Variants in SGCD observed in about 807,000 individuals in gnomAD.
SGCD encodes the protein sarcoglycan delta.
In SGCD, 18 loss-of-function variants were observed where a neutral mutation model predicts 36.6. The observed-to-expected ratio is 0.49, with a 90% CI of 0.34 to 0.73. The LOEUF is 0.73. Among genes scored for constraint, SGCD ranks in the 30% least tolerant of loss-of-function variants. SGCD has a pLI of 0.01. For synonymous variants in SGCD, 133 were observed against 130.6 expected (o/e 1.02, Z -0.12); for missense variants, 387 against 346.7 (o/e 1.12, Z -0.92).
intron 3 of SGCD, among the ~76,000 whole-genome samples, chr5:156,383,542 A>G (rs947401307): frequency 1.3e-5 from 2 of 151,898 alleles, no homozygotes; most frequent in Non-Finnish European, 2.9e-5. Context: ...AAAATAGGAC[A>G]TTTACTAGGA....
intron 3 of SGCD, among the ~76,000 whole-genome samples, chr5:156,260,445 C>A (rs1385634904): frequency 6.6e-6 from 1 of 152,094 alleles, no homozygotes; most frequent in African/African-American, 2.4e-5. Flanking sequence ...TCAGAATAAA[C>A]TTCTCACATA....
chr5:156,444,162 C>G (rs928821742), intron 3 of SGCD, among the ~76,000 whole-genome samples: 3 of 140,212 alleles, frequency 2.1e-5, no homozygotes, highest in African/African-American at 7.9e-5. Flanking sequence ...CTCTCCTTCC[C>G]TCTCTCTCTC....
chr5:155,836,908 T>A, the SGCD span, among the ~76,000 whole-genome samples: 7 of 152,108 alleles, frequency 4.6e-5, no homozygotes, highest in African/African-American at 1.7e-4. Flanking sequence ...AGTAGCCAAG[T>A]TGGTGTTACA....
intron 4 of SGCD, among the ~76,000 whole-genome samples, chr5:156,545,916 C>G (rs948254514): frequency 3.3e-5 from 5 of 152,160 alleles, no homozygotes; most frequent in Non-Finnish European, 5.9e-5. Context: ...GGCTTTAGCT[C>G]CAAGTTTTAT....
chr5:156,653,290 G>A (rs1488719931), intron 7 of SGCD, among the ~76,000 whole-genome samples: 2 of 44,280 alleles, frequency 4.5e-5, no homozygotes, highest in East Asian at 3.0e-3. Flanking sequence ...CATTCTTTTC[G>A]GGGTTTCAAC....
chr5:156,046,341 A>G (rs1208404505), intron 1 of SGCD, among the ~76,000 whole-genome samples: 1 of 152,042 alleles, frequency 6.6e-6, no homozygotes, highest in Non-Finnish European at 1.5e-5. Context: ...TTTCATCTAC[A>G]CTTCTGCTGT....
the SGCD span, among the ~76,000 whole-genome samples, chr5:155,808,780 A>C: frequency 6.6e-6 from 1 of 152,182 alleles, no homozygotes; most frequent in Admixed American, 6.5e-5. Flanking sequence ...ATGATAGAAA[A>C]ATTTATTGAG....
chr5:156,393,734 T>C lies in SGCD; in HGVS notation c.192+49057T>C, dbSNP rs1449301333. On this transcript the variant is annotated intron_variant, in intron 3 of 8. Transcript: ENST00000337851. Reference sequence around the variant, plus strand: ...AGTTACTAACAAAGTGCTGTCTTACTGCAATGTTTGACATCTAGAGCATCC... The same window carrying C: ...AGTTACTAACAAAGTGCTGTCTTACCGCAATGTTTGACATCTAGAGCATCC... The C allele has an allele frequency of 6.6e-6, 3 of 456,164 alleles. No homozygotes were observed. The Admixed American group carries it at 7.0e-5, about 11-fold the overall frequency. The allele number at this position is 456,164 out of a possible 1,614,324, so 28.3% of individuals were successfully genotyped here. A position where few individuals can be genotyped will look rare whatever the true frequency, so the allele number is the denominator to read the frequency against.
chr5:156,423,983 G>A (rs532459101), intron 3 of SGCD, among the ~76,000 whole-genome samples: 3 of 151,882 alleles, frequency 2.0e-5, no homozygotes, highest in African/African-American at 7.2e-5. Flanking sequence ...TGGATCCCAG[G>A]GACAGAAAGA....
chr5:156,356,048 C>T (rs551977136), intron 3 of SGCD, among the ~76,000 whole-genome samples: 8 of 152,268 alleles, frequency 5.3e-5, no homozygotes, highest in African/African-American at 1.9e-4. Flanking sequence ...ATATTAAGTG[C>T]CAGGGAGTAT....
intron 3 of SGCD, among the ~76,000 whole-genome samples, chr5:156,437,129 A>G (rs1473910942): frequency 2.0e-5 from 3 of 152,116 alleles, no homozygotes; most frequent in Non-Finnish European, 4.4e-5. Context: ...GATTAGTAGT[A>G]TTCATGGAAT....
intron 7 of SGCD, among the ~76,000 whole-genome samples, chr5:156,728,185 T>C (rs918101778): frequency 5.3e-5 from 8 of 152,172 alleles, no homozygotes; most frequent in East Asian, 1.9e-4. Context: ...CATGGTAGCA[T>C]TGAACAGGGA....
chr5:155,791,092 A>T, the SGCD span, among the ~76,000 whole-genome samples: 1 of 152,196 alleles, frequency 6.6e-6, no homozygotes. Flanking sequence ...CTTTGAAATC[A>T]TGATGATTAG....
chr5:156,665,418 T>C (rs1764114583), intron 7 of SGCD, among the ~76,000 whole-genome samples: 1 of 152,274 alleles, frequency 6.6e-6, no homozygotes, highest in Admixed American at 6.5e-5. Flanking sequence ...ATTTTTTCCT[T>C]GTGTTTTCAT....
At chr5:156,179,871 G>A (rs1359820811) in intron 3 of SGCD, among the ~76,000 whole-genome samples, 1 of 152,026 alleles carries the variant, frequency 6.6e-6, no homozygotes, top group Admixed American at 6.6e-5. Context: ...TGATCTACCT[G>A]CCTGGGCCTC....
chr5:156,216,043 C>G (rs1262591188), intron 3 of SGCD, among the ~76,000 whole-genome samples: 1 of 152,052 alleles, frequency 6.6e-6, no homozygotes, highest in Non-Finnish European at 1.5e-5. Flanking sequence ...GTGGATGAAC[C>G]TGGAGGACAT....
At chr5:155,837,749 T>A in the SGCD span, among the ~76,000 whole-genome samples, 1 of 152,230 alleles carries the variant, frequency 6.6e-6, no homozygotes, top group South Asian at 2.1e-4. Flanking sequence ...TCTGCTTTCC[T>A]TACGTAGAAA....
chr5:156,695,078 G>A (rs1469778334), intron 7 of SGCD, among the ~76,000 whole-genome samples: 1 of 151,840 alleles, frequency 6.6e-6, no homozygotes, highest in Non-Finnish European at 1.5e-5. Context: ...ACAGAGGGGA[G>A]AGTGCCATGT....
chr5:155,864,404 G>C, the SGCD span, among the ~76,000 whole-genome samples: 6 of 152,130 alleles, frequency 3.9e-5, no homozygotes, highest in Non-Finnish European at 8.8e-5. Context: ...AACTGAAAAT[G>C]AGCCAAAGGG....
Sources: allele counts gnomAD v4.1 joint callset (sites outside exome capture counted in the v4.1 genomes callset), GRCh38; gene constraint gnomAD v4.1.1; transcripts MANE v1.5; gene names NCBI Gene and HGNC (gene_info 2026-07-23, HGNC 2026-07-21).